The following RCAN2 variants were observed in gnomAD, a reference collection of about 807,000 sequenced individuals.
RCAN2 encodes calcipressin-2.
In RCAN2, 9 loss-of-function variants were observed where a neutral mutation model predicts 23.6. The ratio of observed to expected loss-of-function variants is 0.38; its 90% CI spans 0.23 to 0.67. The LOEUF (loss-of-function observed/expected upper bound fraction) is 0.67. Ranked by LOEUF, RCAN2 falls within the 30% of genes least tolerant of loss-of-function variation. The pLI is 0.51. For synonymous variants in RCAN2, 109 were observed against 115.7 expected (o/e 0.94, Z 0.37); for missense variants, 273 against 302.3 (o/e 0.90, Z 0.72).
At chr6:46,367,544 T>G (rs1366400947) in intron 2 of RCAN2, among the ~76,000 whole-genome samples, 1 of 152,200 alleles carries the variant, frequency 6.6e-6, no homozygotes, top group Admixed American at 6.5e-5. Flanking sequence ...TCAAGTTAGA[T>G]CATTTAATTA....
intron 2 of RCAN2, among the ~76,000 whole-genome samples, chr6:46,440,436 A>G (rs1310179819): frequency 1.3e-5 from 2 of 152,084 alleles, no homozygotes; most frequent in Admixed American, 1.3e-4. Context: ...TAAAAATATC[A>G]TATTAACTTA....
intron 2 of RCAN2, among the ~76,000 whole-genome samples, chr6:46,345,985 G>T (rs2150375509): frequency 6.6e-6 from 1 of 152,084 alleles, no homozygotes; most frequent in South Asian, 2.1e-4. Flanking sequence ...ATAAACAAAA[G>T]CTCTTTGGAG....
intron 2 of RCAN2, among the ~76,000 whole-genome samples, chr6:46,393,397 G>C (rs1287074887): frequency 6.6e-6 from 1 of 152,164 alleles, no homozygotes; most frequent in African/African-American, 2.4e-5. Flanking sequence ...TACAATTGAA[G>C]CACTTGATGC....
At chr6:46,410,422 T>G (rs1766514747) in intron 2 of RCAN2, among the ~76,000 whole-genome samples, 1 of 152,194 alleles carries the variant, frequency 6.6e-6, no homozygotes, top group African/African-American at 2.4e-5. Context: ...CTATTTTCAA[T>G]CGTACATTTG....
intron 4 of RCAN2, among the ~76,000 whole-genome samples, chr6:46,233,731 T>TTA (rs1765988808): frequency 6.6e-6 from 1 of 151,452 alleles, no homozygotes; most frequent in Non-Finnish European, 1.5e-5. Context: ...CTTTTTTTTT[T>TTA]TTTTTTTTCT....
intron 2 of RCAN2, among the ~76,000 whole-genome samples, chr6:46,326,650 C>G (rs1309802175): frequency 1.3e-5 from 2 of 152,202 alleles, no homozygotes; most frequent in African/African-American, 4.8e-5. Flanking sequence ...ATTAGTTATA[C>G]AAGTCCCAGT....
At chr6:46,247,406 C>A (rs575883289) in intron 3 of RCAN2, among the ~76,000 whole-genome samples, 2 of 152,160 alleles carry the variant, frequency 1.3e-5, no homozygotes, top group African/African-American at 4.8e-5. Flanking sequence ...CATTCCTAAC[C>A]TGCAACAACC....
intron 4 of RCAN2, among the ~76,000 whole-genome samples, chr6:46,245,953 GA>G (rs1468086009): frequency 6.6e-6 from 1 of 152,020 alleles, no homozygotes; most frequent in African/African-American, 2.4e-5. Context: ...ATATAACACA[GA>G]AAAAAATACT....
intron 2 of RCAN2, among the ~76,000 whole-genome samples, chr6:46,414,806 A>C (rs1156934325): frequency 6.6e-6 from 1 of 152,190 alleles, no homozygotes; most frequent in Non-Finnish European, 1.5e-5. Context: ...CTGTCTATAT[A>C]TGTGCACACA....
chr6:46,369,652 G>A (rs1765274883), intron 2 of RCAN2, among the ~76,000 whole-genome samples: 1 of 152,118 alleles, frequency 6.6e-6, no homozygotes, highest in Admixed American at 6.6e-5. Flanking sequence ...ATTTGCAATT[G>A]CAATTTCACG....
At chr6:46,491,007 A>ACCCCCGCCCCCGCCCCCG (rs1414121825) in intron 1 of RCAN2, among the ~76,000 whole-genome samples, 166 bp downstream of exon 1, 3 of 78,562 alleles carry the variant, frequency 3.8e-5, no homozygotes, top group African/African-American at 1.2e-4. Context: ...CACTGCCCCC[A>ACCCCCGCCCCCGCCCCCG]CCCCCGCCAC....
chr6:46,301,110 C>T (rs1762892201), intron 2 of RCAN2, among the ~76,000 whole-genome samples: 2 of 151,980 alleles, frequency 1.3e-5, no homozygotes, highest in South Asian at 4.2e-4. Flanking sequence ...AAAATTCCAA[C>T]ACTAGTGCTA....
intron 2 of RCAN2, among the ~76,000 whole-genome samples, chr6:46,249,104 T>C (rs1478587121): frequency 6.6e-6 from 1 of 151,860 alleles, no homozygotes; most frequent in Non-Finnish European, 1.5e-5. Flanking sequence ...TCCAAGGTTC[T>C]CTAGAGGACC....
chr6:46,280,923 G>A (rs916624102), intron 2 of RCAN2, among the ~76,000 whole-genome samples: 2 of 152,120 alleles, frequency 1.3e-5, no homozygotes, highest in African/African-American at 4.8e-5. Flanking sequence ...GAGGAACAGA[G>A]ATGTCATCTT....
chr6:46,443,190 T>TA (rs1767603361), intron 2 of RCAN2, among the ~76,000 whole-genome samples: 1 of 152,208 alleles, frequency 6.6e-6, no homozygotes, highest in Non-Finnish European at 1.5e-5. Context: ...TCCTTATATA[T>TA]TTTATGTCTA....
chr6:46,359,415 T>A (rs749331853), intron 2 of RCAN2, among the ~76,000 whole-genome samples: 2 of 152,240 alleles, frequency 1.3e-5, no homozygotes, highest in Non-Finnish European at 2.9e-5. Context: ...ATGTACTTCA[T>A]CTATGTCAAC....
At chr6:46,325,867 C>T (rs969724523) in intron 2 of RCAN2, 1 of 985,210 alleles carries the variant, frequency 1.0e-6, no homozygotes, top group Non-Finnish European at 1.2e-6. Context: ...GCTGTTGTTG[C>T]AGCCGAGTGC....
chr6:46,227,715 T>C (rs1765722640), intron 4 of RCAN2, among the ~76,000 whole-genome samples: 1 of 152,248 alleles, frequency 6.6e-6, no homozygotes, highest in South Asian at 2.1e-4. Context: ...TCAATTTTGT[T>C]GATCTTTTCA....
chr6:46,432,196 G>A (rs972889384), intron 2 of RCAN2, among the ~76,000 whole-genome samples: 1 of 151,714 alleles, frequency 6.6e-6, no homozygotes, highest in African/African-American at 2.4e-5. Context: ...TGTTTTGGGG[G>A]TTTTTTGTTT....
Sources: gnomAD v4.1 joint callset for allele counts (sites outside exome capture counted in the v4.1 genomes callset) on GRCh38, gnomAD v4.1.1 for gene constraint, MANE v1.5 for transcripts, NCBI Gene and HGNC (gene_info 2026-07-23, HGNC 2026-07-21) for gene names.